Variants in IQCM observed in about 807,000 individuals in gnomAD.
IQCM encodes IQ motif containing M.
A neutral mutation model predicts 57.6 loss-of-function variants in IQCM; 45 were observed. The observed-to-expected ratio is 0.78, with a 90% confidence interval of 0.62 to 1.00. IQCM has a LOEUF of 1.00. Among genes scored for constraint, IQCM ranks in the 50% least tolerant of loss-of-function variants. IQCM has a pLI of 0.00. For missense variants in IQCM, 468 were observed against 511.6 expected, an observed-to-expected ratio of 0.91 and a Z score of 0.82; for synonymous variants, 148 against 158.9, an observed-to-expected ratio of 0.93 and a Z score of 0.51.
chr4:149,360,166 A>T (rs1385597424), intron 13 of IQCM, among the ~76,000 whole-genome samples: 1 of 152,196 alleles, frequency 6.6e-6, no homozygotes, highest in South Asian at 2.1e-4. Context: ...ATTAATGTAT[A>T]TAAGTATAGT....
rs371241134 is a variant in IQCM at position 149,613,149 on chromosome 4, T to A, written c.681+7980A>T. Among the ~76,000 whole-genome samples, 6 of 151,808 alleles carry A rather than the reference T, an allele frequency of 4.0e-5. No individual in the cohort carries two copies. In the East Asian group the frequency reaches 9.7e-4, roughly 25 times the overall value. On this transcript the variant is annotated intron_variant, in intron 8 of 13. Transcript: ENST00000636793. ...ACCATCTTTTATCAAATGTAACCCA[T>A]TAGAGGAGAAAATCATGAGTATGAA...
At chr4:149,545,116 C>G (rs901216070) in intron 12 of IQCM, among the ~76,000 whole-genome samples, 1 of 152,060 alleles carries the variant, frequency 6.6e-6, no homozygotes, top group Non-Finnish European at 1.5e-5. Flanking sequence ...GCAGGAGGAT[C>G]ACTTGAGACC....
chr4:149,433,715 C>A (rs1395271708), intron 12 of IQCM, among the ~76,000 whole-genome samples, 158 bp from the exon 13 acceptor site: 4 of 151,670 alleles, frequency 2.6e-5, no homozygotes, highest in Admixed American at 1.3e-4. Flanking sequence ...TACCAAAAAT[C>A]TTCTTGTTAA....
intron 13 of IQCM, among the ~76,000 whole-genome samples, chr4:149,426,370 T>C (rs1734461528): frequency 6.6e-6 from 1 of 151,982 alleles, no homozygotes; most frequent in South Asian, 2.1e-4. Flanking sequence ...CCAGTGTCAT[T>C]TTACTTTCAC....
chr4:149,529,180 C>T (rs1560954618), intron 12 of IQCM, among the ~76,000 whole-genome samples: 2 of 152,108 alleles, frequency 1.3e-5, no homozygotes, highest in Non-Finnish European at 1.5e-5. Flanking sequence ...TCTCCCGCTT[C>T]GGCCTCCCAA....
At chr4:149,407,163 TC>T (rs199524293) in intron 13 of IQCM, among the ~76,000 whole-genome samples, 6 of 151,486 alleles carry the variant, frequency 4.0e-5, no homozygotes, top group Non-Finnish European at 5.9e-5. Flanking sequence ...GATTCAATTA[TC>T]CCCCCCCAGG....
At chr4:149,731,030 A>G (rs1215646912) in intron 5 of IQCM, among the ~76,000 whole-genome samples, 2 of 152,066 alleles carry the variant, frequency 1.3e-5, no homozygotes, top group Admixed American at 6.5e-5. Context: ...CTATCTCCAC[A>G]TGTGTGTCTA....
chr4:149,524,905 T>C (rs1746007994), intron 12 of IQCM, among the ~76,000 whole-genome samples: 2 of 151,602 alleles, frequency 1.3e-5, no homozygotes, highest in East Asian at 3.9e-4. Flanking sequence ...AATTAAAAAT[T>C]TCCTAAAACT....
chr4:149,714,924 C>A (rs1561190808), intron 5 of IQCM, among the ~76,000 whole-genome samples: 1 of 152,198 alleles, frequency 6.6e-6, no homozygotes. Context: ...GGCAAGATTT[C>A]ATCTCCCTAC....
chr4:149,357,662 G>T (rs1729107995), intron 13 of IQCM, among the ~76,000 whole-genome samples: 1 of 152,148 alleles, frequency 6.6e-6, no homozygotes, highest in African/African-American at 2.4e-5. Context: ...TTTTATCGAG[G>T]ATTTTTGCAC....
intron 3 of IQCM, chr4:149,737,574 T>C (rs187033177): frequency 2.6e-5 from 4 of 152,268 alleles, no homozygotes; most frequent in Admixed American, 2.6e-4. Context: ...TCTCCTTGCT[T>C]TTCACCACGT....
intron 13 of IQCM, among the ~76,000 whole-genome samples, chr4:149,408,186 AT>A (rs1401348854): frequency 6.6e-6 from 1 of 152,204 alleles, no homozygotes; most frequent in Non-Finnish European, 1.5e-5. Context: ...TTACAAAAAA[AT>A]AATGCCAGGA....
At chr4:149,453,196 T>A (rs1237471555) in intron 12 of IQCM, among the ~76,000 whole-genome samples, 1 of 151,626 alleles carries the variant, frequency 6.6e-6, no homozygotes, top group East Asian at 1.9e-4. Flanking sequence ...AAAAATTAAT[T>A]ATTAATTTAA....
chr4:149,621,673 G>A (rs948237978), intron 7 of IQCM, among the ~76,000 whole-genome samples: 1 of 152,080 alleles, frequency 6.6e-6, no homozygotes, highest in African/African-American at 2.4e-5. Context: ...CACAAGTTTT[G>A]ATATTGCAAA....
intron 9 of IQCM, among the ~76,000 whole-genome samples, chr4:149,579,983 T>G (rs554345612): frequency 7.2e-5 from 11 of 151,936 alleles, no homozygotes; most frequent in Admixed American, 2.0e-4. Flanking sequence ...TTAAGTATAT[T>G]CTCTAGCTTA....
chr4:149,672,670 C>T (rs1032379097), intron 7 of IQCM, among the ~76,000 whole-genome samples: 3 of 152,102 alleles, frequency 2.0e-5, no homozygotes, highest in Non-Finnish European at 2.9e-5. Flanking sequence ...CTGAAAGTGA[C>T]AGGGAGAGTG....
chr4:149,674,814 C>T (rs1019826025), intron 7 of IQCM, among the ~76,000 whole-genome samples: 43 of 152,120 alleles, frequency 2.8e-4, no homozygotes, highest in Middle Eastern at 3.4e-3. Context: ...AGCCTATTAA[C>T]GGTACTTAAA....
intron 12 of IQCM, among the ~76,000 whole-genome samples, chr4:149,485,207 T>C (rs1215165631): frequency 6.6e-6 from 1 of 152,044 alleles, no homozygotes; most frequent in Non-Finnish European, 1.5e-5. Flanking sequence ...TTAAATCTGC[T>C]TGGTGTTCTA....
At chr4:149,778,499 A>G (rs1771314711) in intron 2 of IQCM, among the ~76,000 whole-genome samples, 1 of 152,010 alleles carries the variant, frequency 6.6e-6, no homozygotes, top group Admixed American at 6.6e-5. Flanking sequence ...AAAAGTTTAA[A>G]TTAACAATTT....
Sources: allele counts gnomAD v4.1 joint callset (sites outside exome capture counted in the v4.1 genomes callset), GRCh38; gene constraint gnomAD v4.1.1; transcripts MANE v1.5; gene names NCBI Gene and HGNC (gene_info 2026-07-23, HGNC 2026-07-21).